Variants in WDR26 observed in about 807,000 individuals in gnomAD.
The protein encoded by WDR26 is WD repeat domain 26, also known as WD repeat-containing protein 26.
A neutral mutation model predicts 84.1 loss-of-function variants in WDR26; 5 were observed. That is an observed-to-expected ratio of 0.06 (90% CI 0.03 to 0.13). The LOEUF (loss-of-function observed/expected upper bound fraction) is 0.13, where lower values mean the gene tolerates loss of function less well. WDR26 is among the 10% of genes least tolerant of loss of function. The pLI is 1.00. For missense variants in WDR26, 642 were observed against 974.9 expected (o/e 0.66, Z 4.55); for synonymous variants, 415 against 389.6 (o/e 1.07, Z -0.77).
chr1:224,429,657 A>T (rs909809924), intron 3 of WDR26: 1 of 152,204 alleles, frequency 6.6e-6, no homozygotes, highest in African/African-American at 2.4e-5. Context: ...ATACCTAAAC[A>T]GTTTGATGGC....
chr1:224,396,455 G>A (rs1056281671), intron 12 of WDR26, among the ~76,000 whole-genome samples: 2 of 151,998 alleles, frequency 1.3e-5, no homozygotes, highest in African/African-American at 4.8e-5. Flanking sequence ...TTAGACCACA[G>A]GAAAATTTAA....
intron 6 of WDR26, among the ~76,000 whole-genome samples, chr1:224,415,955 A>G (rs1474306724): frequency 6.6e-6 from 1 of 152,274 alleles, no homozygotes; most frequent in Non-Finnish European, 1.5e-5. Flanking sequence ...ACCAACATCT[A>G]CAATTCTGGT....
At chr1:224,407,151 A>AT (rs1357219726) in intron 7 of WDR26, among the ~76,000 whole-genome samples, 6 of 11,868 alleles carry the variant, frequency 5.1e-4, no homozygotes, top group Non-Finnish European at 5.6e-4. Context: ...AAAAAAAAAA[A>AT]ATATATATAT....
Position 224,389,717 on chromosome 1 carries a change from T to G in WDR26, c.*118A>C. The G allele has an allele frequency of 8.9e-7, 1 of 1,124,084 alleles. No individual in the cohort carries two copies. Among genetic ancestry groups the G allele is most frequent in the Non-Finnish European group, 1.3e-6 (1 of 751,082 alleles). The allele number at this position is 1,124,084 out of a possible 1,614,324, so 69.6% of individuals were successfully genotyped here. On this transcript the variant is annotated 3_prime_UTR_variant, in exon 14 of 14. Coordinates refer to ENST00000414423, the MANE Select transcript of WDR26 (RefSeq NM_001379403.1). ...CCAATCGGGCTTCAGAAATGGTTCT[T>G]TTTTCATGACGAGCATGTCTGTCCA...
intron 8 of WDR26, among the ~76,000 whole-genome samples, chr1:224,401,679 A>AAAAAAAAAGG (rs1673419390): frequency 8.8e-6 from 1 of 114,138 alleles, no homozygotes; most frequent in Non-Finnish European, 1.8e-5. Context: ...CTCAAAAAAA[A>AAAAAAAAAGG]AAAAAAAAAA....
In WDR26 at chr1:224,434,599, G is replaced by T. The variant is rs1221143289; in HGVS notation, c.-194C>A. 2 of 518,890 alleles carry T rather than the reference G, an allele frequency of 3.9e-6. No individual in the cohort carries two copies. The highest frequency in any genetic ancestry group is 4.9e-6 in the Non-Finnish European group (2 of 406,808). The allele number at this position is 518,890 out of a possible 1,614,324, so 32.1% of individuals were successfully genotyped here. A position where few individuals can be genotyped will look rare whatever the true frequency, so the allele number is the denominator to read the frequency against. On this transcript the variant is annotated 5_prime_UTR_variant, in exon 1 of 14. Coordinates refer to ENST00000414423, the MANE Select transcript of WDR26 (RefSeq NM_001379403.1). ...CCCCCCCCTCCCGGAGGCAGCTCGG[G>T]GTGCGCGGCCCGGGGGTCGCGCCGG...
At chr1:224,412,430 T>C (rs1489969165) in intron 6 of WDR26, among the ~76,000 whole-genome samples, 3 of 152,152 alleles carry the variant, frequency 2.0e-5, no homozygotes, top group African/African-American at 7.2e-5. Flanking sequence ...AAGATTAAGG[T>C]ATCTGCCTTA....
Position 224,400,936 on chromosome 1 carries a change from C to A in WDR26, c.1719+14G>T. 1 of 1,607,530 alleles carries A rather than the reference C, an allele frequency of 6.2e-7. No individual in the cohort carries two copies. The highest frequency in any genetic ancestry group is 1.1e-5 in the South Asian group (1 of 90,040). On this transcript the variant is annotated intron_variant, in intron 9 of 13. Coordinates refer to ENST00000414423, the MANE Select transcript of WDR26 (RefSeq NM_001379403.1). ...AAACCAACAGATACTGGGAAGGGGG[C>A]ACTGAATACTTACACACTGATAGAA...
At chr1:224,402,409 C>G (rs1006949849) in intron 8 of WDR26, among the ~76,000 whole-genome samples, 1 of 152,096 alleles carries the variant, frequency 6.6e-6, no homozygotes, top group Non-Finnish European at 1.5e-5. Flanking sequence ...ATTCTGAAGG[C>G]AGAAATGGTT....
In WDR26 at chr1:224,433,756, T is replaced by G; in HGVS notation, c.650A>C (p.Lys217Thr). 6.5e-7 allele frequency: 1 copy of G among 1,536,594 alleles called. No individual in the cohort carries two copies. Among genetic ancestry groups the G allele is most frequent in the Non-Finnish European group, 8.7e-7 (1 of 1,146,510 alleles). The change falls in exon 1 of 14, where the codon AAG (lysine) becomes ACG (threonine). Residue 217 changes from lysine to threonine, a missense_variant. This residue lies in a region of WDR26 where 351 missense variants were observed against 672.8 expected (regional missense o/e 0.52). Coordinates refer to ENST00000414423, the MANE Select transcript of WDR26 (RefSeq NM_001379403.1). ...CTCATCTGACTGGGAGAGCCGCTTC[T>G]TCTTCTTGAGGCTGCTGCCCAGTTC... is the stretch of plus-strand genomic sequence containing the variant.
intron 12 of WDR26, among the ~76,000 whole-genome samples, chr1:224,396,415 G>A (rs1673262056): frequency 1.3e-5 from 2 of 151,928 alleles, no homozygotes; most frequent in Non-Finnish European, 2.9e-5. Flanking sequence ...ATAAACAGGA[G>A]GAATTTAAAA....
chr1:224,433,953 C>T lies in WDR26; in HGVS notation c.453G>A (p.Gly151=). Reference sequence around the variant, plus strand: ...GGAGCCCATTGGCGTGGGCCAGGTCCCCCGCGGACGACGACGACGAGGGGG... The same window carrying T: ...GGAGCCCATTGGCGTGGGCCAGGTCTCCCGCGGACGACGACGACGAGGGGG... The change falls in exon 1 of 14, where the codon GGG becomes GGA. Residue 151 remains glycine, a synonymous_variant. Transcript: ENST00000414423. The T allele has an allele frequency of 6.5e-7, 1 of 1,532,416 alleles. No individual in the cohort carries two copies. The highest frequency in any genetic ancestry group is 2.5e-5 in the East Asian group (1 of 40,774). The allele number at this position is 1,532,416 out of a possible 1,614,324, so 94.9% of individuals were successfully genotyped here.
At chr1:224,432,779 C>G (rs911812897) in intron 1 of WDR26, among the ~76,000 whole-genome samples, 43 of 152,280 alleles carry the variant, frequency 2.8e-4, no homozygotes, top group Admixed American at 4.6e-4. Flanking sequence ...CGTCCTCCCC[C>G]CTTCATTTCA....
At chr1:224,400,537 ATTTTG>A (rs1473690436) in intron 9 of WDR26, among the ~76,000 whole-genome samples, 1 of 151,990 alleles carries the variant, frequency 6.6e-6, no homozygotes, top group Non-Finnish European at 1.5e-5. Flanking sequence ...CATAGAGTAT[ATTTTG>A]TTTTATTTAT....
intron 6 of WDR26, among the ~76,000 whole-genome samples, chr1:224,414,787 C>T (rs984042803): frequency 6.6e-6 from 1 of 151,180 alleles, no homozygotes; most frequent in African/African-American, 2.4e-5. Flanking sequence ...TGAGATTGGC[C>T]TGGGCAACAC....
At position 224,427,013 on chromosome 1, in the gene WDR26, G is replaced by A. The variant is rs1229324679; in HGVS notation, c.928-2359C>T. On this transcript the variant is annotated intron_variant, in intron 3 of 13. Coordinates refer to ENST00000414423, the MANE Select transcript of WDR26 (RefSeq NM_001379403.1). ...AGCTACTTCGGAGGCTGAGGCAGGA[G>A]AATCGATTGAAACTGGAAGGTGGAG... Among the ~76,000 whole-genome samples the A allele has an allele frequency of 2.7e-5, 4 of 146,154 alleles. No homozygotes were observed. The South Asian group carries it at 6.4e-4, about 23-fold the overall frequency.
chr1:224,402,759 A>G (rs1215868924), intron 8 of WDR26, among the ~76,000 whole-genome samples: 5 of 152,212 alleles, frequency 3.3e-5, no homozygotes, highest in Admixed American at 3.3e-4. Flanking sequence ...ACTGAGAGAA[A>G]GCAATTTTAA....
chr1:224,399,941 T>A (rs1176186408), intron 9 of WDR26, among the ~76,000 whole-genome samples: 1 of 152,046 alleles, frequency 6.6e-6, no homozygotes, highest in African/African-American at 2.4e-5. Context: ...CAATGTACTC[T>A]AGCATGGGTG....
At chr1:224,423,141 A>G (rs1265739100) in intron 4 of WDR26, among the ~76,000 whole-genome samples, 1 of 152,236 alleles carries the variant, frequency 6.6e-6, no homozygotes, top group Non-Finnish European at 1.5e-5. Flanking sequence ...TATTAGTTCT[A>G]AGAGTTTTTT....
Sources: allele counts gnomAD v4.1 joint callset (sites outside exome capture counted in the v4.1 genomes callset), GRCh38; gene constraint gnomAD v4.1.1; regional missense constraint gnomAD v4.1.1; transcripts MANE v1.5; gene names NCBI Gene and HGNC (gene_info 2026-07-23, HGNC 2026-07-21).